The following CABLES1 variants were observed in gnomAD, a reference collection of about 807,000 sequenced individuals.
The protein encoded by CABLES1 is Cdk5 and Abl enzyme substrate 1, also known as CDK5 and ABL1 enzyme substrate 1.
A neutral mutation model predicts 57.8 loss-of-function variants in CABLES1; 36 were observed. The ratio of observed to expected loss-of-function variants is 0.62; its 90% CI spans 0.48 to 0.82. The LOEUF (loss-of-function observed/expected upper bound fraction) is 0.82. CABLES1 is among the 40% of genes least tolerant of loss of function. The pLI is 0.00. For missense variants in CABLES1, 767 were observed against 836.6 expected (o/e 0.92, Z 1.03); for synonymous variants, 374 against 363.0 (o/e 1.03, Z -0.35).
At chr18:23,238,853 A>G (rs1039308866) in intron 7 of CABLES1, among the ~76,000 whole-genome samples, 9 of 152,184 alleles carry the variant, frequency 5.9e-5, no homozygotes, top group Non-Finnish European at 1.3e-4. Flanking sequence ...TCTGAATTCC[A>G]CATTCCTCAG....
chr18:23,237,987 CA>C (rs1243628425), intron 7 of CABLES1, among the ~76,000 whole-genome samples: 1 of 152,132 alleles, frequency 6.6e-6, no homozygotes, highest in Non-Finnish European at 1.5e-5. Flanking sequence ...CCATGCACAG[CA>C]TCAGGTGGGA....
At chr18:23,205,030 G>C (rs1209047261) in intron 3 of CABLES1, among the ~76,000 whole-genome samples, 3 of 152,098 alleles carry the variant, frequency 2.0e-5, no homozygotes, top group Admixed American at 1.3e-4. Context: ...TCAGTCCTTG[G>C]TCTGCACCAT....
chr18:23,234,734 T>C (rs369100333), intron 5 of CABLES1, 30 bp downstream of exon 5: 127 of 1,577,264 alleles, frequency 8.1e-5, no homozygotes, highest in Non-Finnish European at 1.1e-4. Flanking sequence ...AGTCACCAAG[T>C]TGTGCTGAAG....
intron 1 of CABLES1, among the ~76,000 whole-genome samples, chr18:23,154,336 A>G (rs1383155856): frequency 6.6e-6 from 1 of 152,210 alleles, no homozygotes; most frequent in Non-Finnish European, 1.5e-5. Flanking sequence ...GTCTCCACAT[A>G]CAGCAGCAGT....
intron 1 of CABLES1, among the ~76,000 whole-genome samples, chr18:23,187,142 T>C (rs755743390): frequency 6.6e-6 from 1 of 152,250 alleles, no homozygotes; most frequent in African/African-American, 2.4e-5. Flanking sequence ...GCCTCTGCAC[T>C]GCTCTCAGGT....
At chr18:23,209,054 C>T (rs553814642) in intron 3 of CABLES1, among the ~76,000 whole-genome samples, 1 of 152,344 alleles carries the variant, frequency 6.6e-6, no homozygotes, top group South Asian at 2.1e-4. Flanking sequence ...AGCAGTCCCT[C>T]CTTATCCACA....
intron 1 of CABLES1, among the ~76,000 whole-genome samples, chr18:23,140,210 G>A (rs1260692657): frequency 6.6e-6 from 1 of 152,188 alleles, no homozygotes; most frequent in Non-Finnish European, 1.5e-5. Context: ...GTGTTAATAG[G>A]TGAAAGGGAG....
chr18:23,225,892 CT>C (rs981235825), intron 4 of CABLES1, among the ~76,000 whole-genome samples: 55 of 152,376 alleles, frequency 3.6e-4, no homozygotes, highest in African/African-American at 1.3e-3. Context: ...GACCACTTCT[CT>C]TCCCCTCGCT....
rs28579197 is a variant in CABLES1, at chr18:23,136,102, G to A, written c.340G>A (p.Ala114Thr). ...ARTRFSLLAA[A>T]ERGGCIALAA... ...GACTCGGTTCAGCTTGCTCGCCGCT[G>A]CCGAGCGGGGCGGCTGCATCGCGCT... Residue 114 changes from alanine (A) to threonine (T), a missense_variant, in exon 1 of 10, where the codon GCC becomes ACC. Ala to Thr is a moderately conservative substitution (Grantham distance 58). Around this residue, in one of 4 missense-constraint regions of CABLES1, gnomAD observed 198 missense variants for 149.7 expected, o/e 1.32. Transcript: ENST00000256925. 1,170 of 1,185,312 alleles carry A rather than the reference G, an allele frequency of 9.9e-4. 8 individuals are homozygous for A. In the African/African-American group the frequency reaches 0.017, roughly 18 times the overall value. The allele number at this position is 1,185,312 out of a possible 1,614,324, so 73.4% of individuals were successfully genotyped here.
intron 3 of CABLES1, among the ~76,000 whole-genome samples, chr18:23,202,276 ATTATC>A (rs897909131): frequency 2.6e-5 from 4 of 152,206 alleles, no homozygotes; most frequent in Admixed American, 2.0e-4. Flanking sequence ...GTGGGTGGGT[ATTATC>A]TTCTAAAAGA....
chr18:23,217,008 C>G (rs1022077860), intron 4 of CABLES1, among the ~76,000 whole-genome samples: 1 of 152,154 alleles, frequency 6.6e-6, no homozygotes, highest in Non-Finnish European at 1.5e-5. Context: ...TGAACAGATT[C>G]AAATCCACTA....
chr18:23,214,127 T>C, intron 4 of CABLES1, 73 bp downstream of exon 4: 1 of 1,029,636 alleles, frequency 9.7e-7, no homozygotes, highest in Non-Finnish European at 1.5e-6. Flanking sequence ...AATGTGGCCA[T>C]CCTTTCCATT....
intron 9 of CABLES1, among the ~76,000 whole-genome samples, chr18:23,256,958 A>G (rs2145147532): frequency 6.6e-6 from 1 of 152,318 alleles, no homozygotes; most frequent in South Asian, 2.1e-4. Flanking sequence ...ACGGAGCATG[A>G]ACCATGTCAT....
In CABLES1 at chr18:23,136,368, C is replaced by G; in HGVS notation, c.606C>G (p.Ala202=). 1.3e-6 allele frequency: 2 copies of G among 1,524,754 alleles called. No individual in the cohort carries two copies. The highest frequency in any genetic ancestry group is 8.8e-7 in the Non-Finnish European group (1 of 1,137,924). The allele number at this position is 1,524,754 out of a possible 1,614,324, so 94.5% of individuals were successfully genotyped here. ...TGCAGCTGCTCGACGGGTCCGGGGC[C>G]GCCGGGCAGGAGGAGTTGGAGGAGG... is the stretch of plus-strand genomic sequence containing the variant. ...AQLQLLDGSG[A]AGQEELEEDD... Residue 202 remains alanine (A), a synonymous_variant, in exon 1 of 10, where the codon GCC becomes GCG. Transcript: ENST00000256925.
chr18:23,136,165 G>A lies in CABLES1; in HGVS notation c.403G>A (p.Gly135Arg). The change falls in exon 1 of 10, where the codon GGG (glycine) becomes AGG (arginine). Residue 135 changes from glycine (G) to arginine (R), a missense_variant. By Grantham distance (125) the Gly-to-Arg change is moderately radical. Transcript: ENST00000256925. ...PGTPAAGLAA[G>R]SGPCLPQPSS... Reference sequence around the variant, plus strand: ...CACGCCGGCTGCGGGGTTAGCCGCTGGGTCCGGCCCCTGCCTCCCACAGCC... The same window carrying A: ...CACGCCGGCTGCGGGGTTAGCCGCTAGGTCCGGCCCCTGCCTCCCACAGCC... The A allele has an allele frequency of 1.6e-6, 2 of 1,215,166 alleles. No individual in the cohort carries two copies. Among genetic ancestry groups the A allele is most frequent in the Non-Finnish European group, 2.0e-6 (2 of 977,660 alleles). The allele number at this position is 1,215,166 out of a possible 1,614,324, so 75.3% of individuals were successfully genotyped here. A position where few individuals can be genotyped will look rare whatever the true frequency, so the allele number is the denominator to read the frequency against.
At chr18:23,165,263 A>T (rs557906997) in intron 1 of CABLES1, among the ~76,000 whole-genome samples, 2 of 151,920 alleles carry the variant, frequency 1.3e-5, no homozygotes, top group Non-Finnish European at 2.9e-5. Context: ...TTTAATTTTA[A>T]TTTTTTATTT....
chr18:23,150,521 G>A (rs533091916), intron 1 of CABLES1, among the ~76,000 whole-genome samples: 3 of 152,124 alleles, frequency 2.0e-5, no homozygotes, highest in East Asian at 1.9e-4. Context: ...CAGCCAGGTC[G>A]TAGTAGTTTT....
chr18:23,184,339 G>T (rs2047187595), intron 1 of CABLES1, among the ~76,000 whole-genome samples: 1 of 151,470 alleles, frequency 6.6e-6, no homozygotes. Context: ...GTGTGTGTGT[G>T]TGTAGGTCCG....
chr18:23,166,223 CAG>C (rs1337526772), intron 1 of CABLES1, among the ~76,000 whole-genome samples: 2 of 148,384 alleles, frequency 1.3e-5, no homozygotes, highest in African/African-American at 2.5e-5. Flanking sequence ...TTTTTTGAGA[CAG>C]AGTTTCACTC....
Sources: gnomAD v4.1 joint callset for allele counts (sites outside exome capture counted in the v4.1 genomes callset) on GRCh38, gnomAD v4.1.1 for gene constraint, gnomAD v4.1.1 regional missense constraint, MANE v1.5 for transcripts, NCBI Gene and HGNC (gene_info 2026-07-23, HGNC 2026-07-21) for gene names.